Variants in ACMSD observed in about 807,000 individuals in gnomAD.
The protein encoded by ACMSD is aminocarboxymuconate semialdehyde decarboxylase, also known as 2-amino-3-carboxymuconate-6-semialdehyde decarboxylase.
Under a neutral mutation model 45.9 loss-of-function variants are expected in ACMSD, and 37 were observed. The ratio of observed to expected loss-of-function variants is 0.81; its 90% confidence interval spans 0.62 to 1.06. The LOEUF (loss-of-function observed/expected upper bound fraction) is 1.06, where lower values mean the gene tolerates loss of function less well. Among genes scored for constraint, ACMSD ranks in the 50% least tolerant of loss-of-function variants. The probability of loss-of-function intolerance (pLI) is 0.00; values close to 1 mark genes in which losing one functional copy is unlikely to be tolerated. For missense variants in ACMSD, 434 were observed against 420.9 expected, an observed-to-expected ratio of 1.03 and a Z score of -0.27; for synonymous variants, 138 against 148.8, an observed-to-expected ratio of 0.93 and a Z score of 0.53.
At chr2:134,890,030 A>C (rs1467562812) in intron 8 of ACMSD, among the ~76,000 whole-genome samples, 1 of 152,130 alleles carries the variant, frequency 6.6e-6, no homozygotes, top group African/African-American at 2.4e-5. Context: ...CAATAGTTAG[A>C]AAATTATTAC....
chr2:134,880,922 C>T (rs1050929536), intron 8 of ACMSD, among the ~76,000 whole-genome samples: 1 of 152,176 alleles, frequency 6.6e-6, no homozygotes, highest in Non-Finnish European at 1.5e-5. Flanking sequence ...AATTTCACCT[C>T]AATTTTTTTT....
At chr2:134,840,166 G>GAAAAAAAAAAAAAAAAAAAAAAA (rs1559034706) in intron 1 of ACMSD, among the ~76,000 whole-genome samples, 1 of 12,048 alleles carries the variant, frequency 8.3e-5, no homozygotes, top group Admixed American at 1.6e-3. Context: ...ACTATACCTA[G>GAAAAAAAAAAAAAAAAAAAAAAA]CAAAAAAAAA....
At chr2:134,862,057 G>A (rs777351762) in intron 4 of ACMSD, 39 bp downstream of exon 4, 2 of 1,613,326 alleles carry the variant, frequency 1.2e-6, no homozygotes, top group South Asian at 1.1e-5. Context: ...TGGTGTTGAA[G>A]GTTCGTGTTG....
rs1168074458 is a variant in ACMSD, at chr2:134,885,332, A to C, written c.849+12691A>C. 8.8e-3 allele frequency among the ~76,000 whole-genome samples: 864 copies of C among 98,482 alleles called. 11 individuals are homozygous for C. Among genetic ancestry groups the C allele is most frequent in the African/African-American group, 0.035 (834 of 23,936 alleles). 64.6% of individuals were successfully genotyped at this position (98,482 alleles called of 152,430 possible). On this transcript the variant is annotated intron_variant, in intron 8 of 9. Coordinates refer to ENST00000356140, the MANE Select transcript of ACMSD (RefSeq NM_138326.3). ...ATATATATATATAAATATATATGTA[A>C]ATATATATTTATATATAATATATAT...
At chr2:134,843,228 G>A (rs1010128359) in intron 1 of ACMSD, among the ~76,000 whole-genome samples, 2 of 152,182 alleles carry the variant, frequency 1.3e-5, no homozygotes, top group African/African-American at 2.4e-5. Flanking sequence ...GAGAGCAGGG[G>A]TTGAGGGCAC....
At position 134,838,732 on chromosome 2, in the gene ACMSD, T is replaced by TA; in HGVS notation, c.56dup (p.Arg20GlufsTer42). 1.9e-6 allele frequency: 3 copies of TA among 1,608,830 alleles called. No individual in the cohort carries two copies. The highest frequency in any genetic ancestry group is 2.6e-6 in the Non-Finnish European group (3 of 1,175,722). ...ATTCTACCAAAAGAATGGCCAGATC[T>TA]AAAAAAGGTAATGGTAATTAATTTG... On this transcript the variant is annotated frameshift_variant, in exon 1 of 10. Coordinates refer to ENST00000356140, the MANE Select transcript of ACMSD (RefSeq NM_138326.3). LOFTEE classifies it high-confidence loss of function.
chr2:134,858,975 G>A (rs1687720416), intron 2 of ACMSD, among the ~76,000 whole-genome samples: 1 of 147,362 alleles, frequency 6.8e-6, no homozygotes, highest in African/African-American at 2.5e-5. Flanking sequence ...GATCAGCAAG[G>A]TGATCAGCCA....
Position 134,840,057 on chromosome 2 carries a change from C to T in ACMSD, c.57+1318C>T, listed in dbSNP as rs545735805. ...ATGATGCAATGAACACATTGACTAA[C>T]TTGTGATACAGGTAATGGAAGCAAT... On this transcript the variant is annotated intron_variant, in intron 1 of 9. Coordinates refer to ENST00000356140, the MANE Select transcript of ACMSD (RefSeq NM_138326.3). 8.7e-5 allele frequency among the ~76,000 whole-genome samples: 13 copies of T among 149,694 alleles called. No homozygotes were observed. The East Asian group carries it at 1.2e-3, about 14-fold the overall frequency.
At chr2:134,900,238 A>G (rs984256602) in intron 9 of ACMSD, among the ~76,000 whole-genome samples, 5 of 152,202 alleles carry the variant, frequency 3.3e-5, no homozygotes, top group Non-Finnish European at 7.3e-5. Context: ...GAAATAATTC[A>G]TAAGTTTTAA....
chr2:134,839,466 G>A (rs1400381715), intron 1 of ACMSD, among the ~76,000 whole-genome samples: 1 of 152,134 alleles, frequency 6.6e-6, no homozygotes, highest in African/African-American at 2.4e-5. Flanking sequence ...ATGTAAAATT[G>A]GCTAGAGGTT....
intron 2 of ACMSD, among the ~76,000 whole-genome samples, chr2:134,845,942 G>A (rs1687034716): frequency 6.6e-6 from 1 of 152,174 alleles, no homozygotes; most frequent in Admixed American, 6.5e-5. Context: ...CATGACTAAT[G>A]CAGGCTCTGG....
At chr2:134,897,885 GTTT>G (rs539416140) in intron 8 of ACMSD, among the ~76,000 whole-genome samples, 1 of 133,140 alleles carries the variant, frequency 7.5e-6, no homozygotes, top group Non-Finnish European at 1.7e-5. Context: ...TTTTGTTTTT[GTTT>G]TTTTTTTTTT....
intron 8 of ACMSD, among the ~76,000 whole-genome samples, chr2:134,889,407 G>C (rs1235099510): frequency 6.6e-6 from 1 of 152,132 alleles, no homozygotes; most frequent in Non-Finnish European, 1.5e-5. Flanking sequence ...CCAAGACAGA[G>C]AAAGTATAAA....
At chr2:134,884,052 A>C (rs551523528) in intron 8 of ACMSD, among the ~76,000 whole-genome samples, 1 of 152,366 alleles carries the variant, frequency 6.6e-6, no homozygotes, top group South Asian at 2.1e-4. Flanking sequence ...AAGATTTACC[A>C]GAAGTTTCAA....
rs1559034813 is a variant in ACMSD, at chr2:134,840,181, A to AAAAAAAAAAC, written c.57+1451_57+1452insCAAAAAAAAA. On this transcript the variant is annotated intron_variant, in intron 1 of 9. Coordinates refer to ENST00000356140, the MANE Select transcript of ACMSD (RefSeq NM_138326.3). ...ACTATACCTAGCAAAAAAAAAAAAAAAAAAAAAAAAAACCACTAATTCCTC... is the reference window on the plus strand; with the variant it reads ...ACTATACCTAGCAAAAAAAAAAAAAAAAAAAAAAACAAAAAAAAAAAACCACTAATTCCTC... Among the ~76,000 whole-genome samples, 34 of 142,884 alleles carry AAAAAAAAAAC rather than the reference A, an allele frequency of 2.4e-4. 3 individuals carry two copies. The East Asian group carries it at 6.5e-3, about 27-fold the overall frequency. The allele number at this position is 142,884 out of a possible 152,430, so 93.7% of individuals were successfully genotyped here. A position where few individuals can be genotyped will look rare whatever the true frequency, so the allele number is the denominator to read the frequency against.
intron 2 of ACMSD, 35 bp from the exon 3 acceptor site, chr2:134,859,226 G>A: frequency 6.4e-7 from 1 of 1,572,202 alleles, no homozygotes; most frequent in Non-Finnish European, 8.8e-7. Flanking sequence ...AGTGGTCTTA[G>A]GTTGCATTTT....
intron 8 of ACMSD, among the ~76,000 whole-genome samples, chr2:134,895,003 T>C (rs745896022): frequency 1.2e-4 from 19 of 152,012 alleles, no homozygotes; most frequent in Non-Finnish European, 2.2e-4. Context: ...AGAAAAACAT[T>C]TGTGAAAAAT....
intron 1 of ACMSD, among the ~76,000 whole-genome samples, chr2:134,841,584 G>C (rs1051207530): frequency 6.6e-5 from 10 of 152,112 alleles, no homozygotes; most frequent in African/African-American, 2.2e-4. Context: ...GATGAATGAG[G>C]ACCCACACTC....
rs944842455 is a variant in ACMSD, at chr2:134,845,160, T to C, written c.58-73T>C. 2.6e-6 allele frequency: 4 copies of C among 1,511,792 alleles called. No homozygotes were observed. In the Admixed American group the frequency reaches 5.0e-5, roughly 19 times the overall value. 93.6% of individuals were successfully genotyped at this position (1,511,792 alleles called of 1,614,324 possible). On this transcript the variant is annotated intron_variant, in intron 1 of 9. Coordinates refer to ENST00000356140, the MANE Select transcript of ACMSD (RefSeq NM_138326.3). Reference sequence around the variant, plus strand: ...TTGAAAGGTGGAGCTCAGGATCTTCTGCACTTAGCATGCCCCTTGATTGCA... The same window carrying C: ...TTGAAAGGTGGAGCTCAGGATCTTCCGCACTTAGCATGCCCCTTGATTGCA...
Sources: gnomAD v4.1 joint callset for allele counts (sites outside exome capture counted in the v4.1 genomes callset) on GRCh38, gnomAD v4.1.1 for gene constraint, MANE v1.5 for transcripts, NCBI Gene and HGNC (gene_info 2026-07-23, HGNC 2026-07-21) for gene names.